Variants in CCDC27 observed in about 807,000 individuals in gnomAD.
CCDC27 encodes coiled-coil domain-containing protein 27.
In CCDC27, 80 loss-of-function variants were observed where a neutral mutation model predicts 80.3. The observed-to-expected ratio is 1.00, with a 90% CI of 0.83 to 1.20. The LOEUF (loss-of-function observed/expected upper bound fraction) is 1.20, where lower values mean the gene tolerates loss of function less well. CCDC27 is among the 50% of genes most tolerant of loss of function. The pLI, the probability that CCDC27 is intolerant of heterozygous loss-of-function variation, is 0.00. For missense variants in CCDC27, 815 were observed against 809.4 expected (o/e 1.01, Z -0.08); for synonymous variants, 342 against 334.3 (o/e 1.02, Z -0.25).
At chr1:3,753,342 A>C (rs1268895236) in intron 1 of CCDC27, among the ~76,000 whole-genome samples, 5 of 67,850 alleles carry the variant, frequency 7.4e-5, no homozygotes, top group African/African-American at 3.6e-4. Flanking sequence ...TTTTTTTTTG[A>C]GACGGAGTTT....
At position 3,767,442 on chromosome 1, in the gene CCDC27, C is replaced by T. The variant is rs1469684867; in HGVS notation, c.1740C>T (p.Ser580=). The T allele has an allele frequency of 1.9e-6, 3 of 1,609,648 alleles. No homozygotes were observed. The highest frequency in any genetic ancestry group is 2.5e-6 in the Non-Finnish European group (3 of 1,178,220). The part of the protein sequence containing the change: ...HTRVALESSQ[S]RLERLRNKII... ...GCGTGGCCCTGGAGAGCTCCCAGTC[C>T]AGGGTATGCCCAGCCCTTCCTCCTG... The change falls in exon 10 of 12, where the codon TCC becomes TCT. Residue 580 remains serine (S), a synonymous_variant. Coordinates refer to ENST00000294600, the MANE Select transcript of CCDC27 (RefSeq NM_152492.3).
chr1:3,752,794 A>G lies in CCDC27; in HGVS notation c.313A>G (p.Lys105Glu), dbSNP rs776622907. The G allele has an allele frequency of 6.2e-7, 1 of 1,611,440 alleles. No individual in the cohort carries two copies. The highest frequency in any genetic ancestry group is 2.2e-5 in the East Asian group (1 of 44,820). Residue 105 changes from lysine (K) to glutamate (E), a missense_variant, in exon 1 of 12, where the codon AAG becomes GAG. Transcript: ENST00000294600. ...CCAGACCATCAGCCGCTACTACAGG[A>G]AGACGGTATGGGGTCCCGGGAGGAG... The part of the protein sequence containing the change: ...SVQTISRYYR[K>E]TSEPKDAASL...
At position 3,761,619 on chromosome 1, in the gene CCDC27, C is replaced by T. The variant is rs141544235; in HGVS notation, c.861+189C>T. Among the ~76,000 whole-genome samples the T allele has an allele frequency of 2.2e-4, 34 of 151,848 alleles. No homozygotes were observed. Among genetic ancestry groups the T allele is most frequent in the African/African-American group, 7.7e-4 (32 of 41,434 alleles). On this transcript the variant is annotated intron_variant, in intron 5 of 11. Transcript: ENST00000294600. This position sits in a 1 kb window ranked among gnomAD's most constrained non-coding sequence, Gnocchi z 5.0. ...GGCAGGGGAGAGGCGAACAGAGGCA[C>T]GAAATGACAAATGAGAGCCATGAGC...
rs1351240252 is a variant in CCDC27 at position 3,763,030 on chromosome 1, C to A, written c.955-78C>A. ...GGAAGGAGGCGCCCTCCCCGGTGCC[C>A]CCGCCATGAGCATTAGAGCCCTCTG... On this transcript the variant is annotated intron_variant, in intron 6 of 11. Coordinates refer to ENST00000294600, the MANE Select transcript of CCDC27 (RefSeq NM_152492.3). The surrounding 1 kb of genome is among the most constrained non-coding windows in gnomAD (Gnocchi z 7.5). 33 of 1,422,016 alleles carry A rather than the reference C, an allele frequency of 2.3e-5. 1 individual carries two copies. In the South Asian group the frequency reaches 2.6e-4, roughly 11 times the overall value. 88.1% of individuals were successfully genotyped at this position (1,422,016 alleles called of 1,614,324 possible). A position where few individuals can be genotyped will look rare whatever the true frequency, so the allele number is the denominator to read the frequency against.
chr1:3,752,873 G>A, intron 1 of CCDC27, 74 bp downstream of exon 1: 1 of 1,477,814 alleles, frequency 6.8e-7, no homozygotes, highest in Admixed American at 2.1e-5. Flanking sequence ...AAGGCCCATA[G>A]AGCTGTCAGC....
chr1:3,760,761 G>A lies in CCDC27; in HGVS notation c.712-520G>A, dbSNP rs1256677456. Among the ~76,000 whole-genome samples the A allele has an allele frequency of 6.6e-6, 1 of 152,162 alleles. No individual in the cohort carries two copies. The highest frequency in any genetic ancestry group is 2.4e-5 in the African/African-American group (1 of 41,448). The stretch of plus-strand genomic sequence containing the variant: ...TTAGTATTTCTCTAAGTTCAGATCT[G>A]CTGGTCACAGATTCTTTCAATTTCT... On this transcript the variant is annotated intron_variant, in intron 4 of 11. Transcript: ENST00000294600. The surrounding 1 kb of genome is among the most constrained non-coding windows in gnomAD (Gnocchi z 4.3).
chr1:3,762,357 G>A (rs1414839072), intron 5 of CCDC27, among the ~76,000 whole-genome samples: 3 of 152,138 alleles, frequency 2.0e-5, no homozygotes, highest in African/African-American at 7.2e-5. Flanking sequence ...AAGGCTGGCT[G>A]GCCTTGTCCT....
chr1:3,754,085 T>A, intron 1 of CCDC27, 33 bp from the exon 2 acceptor site: 1 of 1,607,136 alleles, frequency 6.2e-7, no homozygotes, highest in Non-Finnish European at 8.5e-7. Context: ...TCAGGGGCCT[T>A]CCTTGTCTGT....
intron 1 of CCDC27, 39 bp downstream of exon 1, chr1:3,752,838 G>C (rs1642857384): frequency 6.3e-7 from 1 of 1,583,612 alleles, no homozygotes; most frequent in South Asian, 1.1e-5. Context: ...CGAGCCTTGA[G>C]GTGACCTGTT....
rs749722445 is a variant in CCDC27, at chr1:3,755,536, G to A, written c.522G>A (p.Leu174=). The A allele has an allele frequency of 6.2e-7, 1 of 1,614,042 alleles. No individual in the cohort carries two copies. The highest frequency in any genetic ancestry group is 8.5e-7 in the Non-Finnish European group (1 of 1,180,002). Residue 174 remains leucine, a synonymous_variant, in exon 3 of 12, where the codon TTG becomes TTA. Transcript: ENST00000294600. The stretch of plus-strand genomic sequence containing the variant: ...GGAGAGGCACCCAGGACCTGTTCTT[G>A]GCCAGGCGGGGCTCAGACACGAACG... ...ETWRGTQDLF[L]ARRGSDTNVD... is the part of the protein sequence containing the mutation.
Position 3,763,233 on chromosome 1 carries a change from C to T in CCDC27, c.1080C>T (p.Ser360=), listed in dbSNP as rs769101166. 6 of 1,552,856 alleles carry T rather than the reference C, an allele frequency of 3.9e-6. No homozygotes were observed. The highest frequency in any genetic ancestry group is 5.2e-6 in the Non-Finnish European group (6 of 1,147,264). ...VEDTGAWGGV[S]QMGSVHEEGS... is the part of the protein sequence containing the mutation. ...ACACGGGTGCCTGGGGAGGTGTGAG[C>T]CAGATGGGATCCGTGCATGAGGAGG... The change falls in exon 7 of 12, where the codon AGC becomes AGT. Residue 360 remains serine, a synonymous_variant. Transcript: ENST00000294600. This position sits in a 1 kb window ranked among gnomAD's most constrained non-coding sequence, Gnocchi z 7.5.
chr1:3,768,572 T>G lies in CCDC27; in HGVS notation c.1743+1127T>G, dbSNP rs1477742742. 6.6e-6 allele frequency among the ~76,000 whole-genome samples: 1 copy of G among 152,154 alleles called. No homozygotes were observed. The highest frequency in any genetic ancestry group is 6.5e-5 in the Admixed American group (1 of 15,280). On this transcript the variant is annotated intron_variant, in intron 10 of 11. Transcript: ENST00000294600. This position sits in a 1 kb window ranked among gnomAD's most constrained non-coding sequence, Gnocchi z 5.6. Reference sequence around the variant, plus strand: ...GGCACCCACCCCTGGTATCCCTTGATAAAACAGTTTGGGATCCAGCCGTAG... The same window carrying G: ...GGCACCCACCCCTGGTATCCCTTGAGAAAACAGTTTGGGATCCAGCCGTAG...
intron 8 of CCDC27, among the ~76,000 whole-genome samples, chr1:3,764,358 T>C (rs1570715052): frequency 6.6e-6 from 1 of 152,338 alleles, no homozygotes; most frequent in South Asian, 2.1e-4. Flanking sequence ...TAAGGCATCA[T>C]TTTAAATTCT....
rs1014014407 is a variant in CCDC27 at position 3,763,321 on chromosome 1, C to T, written c.1168C>T (p.Pro390Ser). 1.2e-6 allele frequency: 2 copies of T among 1,611,514 alleles called. No individual in the cohort carries two copies. The highest frequency in any genetic ancestry group is 1.7e-6 in the Non-Finnish European group (2 of 1,179,118). Residue 390 changes from proline to serine, a missense_variant, in exon 7 of 12, where the codon CCG becomes TCG. Transcript: ENST00000294600. The surrounding 1 kb of genome is among the most constrained non-coding windows in gnomAD (Gnocchi z 7.5). ...RDEDSEERELPEEEEIPRRRA... is the reference protein window; with the variant it reads ...RDEDSEERELSEEEEIPRRRA... Reference sequence around the variant, plus strand: ...TGAGGACTCAGAGGAAAGGGAGCTGCCGGAGGAAGAGGAGATCCCCAGGAG... The same window carrying T: ...TGAGGACTCAGAGGAAAGGGAGCTGTCGGAGGAAGAGGAGATCCCCAGGAG...
At chr1:3,762,057 G>T (rs1053223930) in intron 5 of CCDC27, among the ~76,000 whole-genome samples, 8 of 152,294 alleles carry the variant, frequency 5.3e-5, no homozygotes, top group African/African-American at 1.7e-4. Context: ...GGACGAGGCA[G>T]GTCTGTGTTG....
chr1:3,764,763 C>T (rs1051699308), intron 8 of CCDC27, among the ~76,000 whole-genome samples: 2 of 152,134 alleles, frequency 1.3e-5, no homozygotes, highest in African/African-American at 4.8e-5. Context: ...AGGCTGAGCA[C>T]GATGGCTCAC....
In CCDC27 at chr1:3,769,114, G is replaced by A. The variant is rs555145756; in HGVS notation, c.1744-669G>A. Among the ~76,000 whole-genome samples the A allele has an allele frequency of 6.6e-6, 1 of 152,306 alleles. No homozygotes were observed. Among genetic ancestry groups the A allele is most frequent in the South Asian group, 2.1e-4 (1 of 4,834 alleles). On this transcript the variant is annotated intron_variant, in intron 10 of 11. Transcript: ENST00000294600. This position sits in a 1 kb window ranked among gnomAD's most constrained non-coding sequence, Gnocchi z 4.6. ...GCTGAGCGTGCCGCATAACTCAAGGGGTTCCTGTCTGAGGCTCCTGGGGTG... is the reference window on the plus strand; with the variant it reads ...GCTGAGCGTGCCGCATAACTCAAGGAGTTCCTGTCTGAGGCTCCTGGGGTG...
Position 3,756,846 on chromosome 1 carries a change from C to T in CCDC27, c.667C>T (p.Leu223=), listed in dbSNP as rs905534460. Residue 223 remains leucine, a synonymous_variant, in exon 4 of 12, where the codon CTG becomes TTG. Transcript: ENST00000294600. Reference sequence around the variant, plus strand: ...CAGCTCAGTCGCATCTCAGAGCTGCCTGAGAAAGAGGATGCCCTGGTACCT... The same window carrying T: ...CAGCTCAGTCGCATCTCAGAGCTGCTTGAGAAAGAGGATGCCCTGGTACCT... The part of the protein sequence containing the change: ...TSSSVASQSC[L]RKRMPWYLSV... 73 of 1,613,878 alleles carry T rather than the reference C, an allele frequency of 4.5e-5. No homozygotes were observed. The highest frequency in any genetic ancestry group is 6.1e-5 in the Non-Finnish European group (72 of 1,180,000).
chr1:3,762,758 C>T, intron 6 of CCDC27, 46 bp downstream of exon 6: 1 of 1,497,956 alleles, frequency 6.7e-7, no homozygotes, highest in Non-Finnish European at 9.1e-7. Flanking sequence ...GACCCGGGCC[C>T]AGGAGCCACC....
Sources: allele counts gnomAD v4.1 joint callset (sites outside exome capture counted in the v4.1 genomes callset), GRCh38; gene constraint gnomAD v4.1.1; non-coding constraint Gnocchi (gnomAD v3.1); transcripts MANE v1.5; gene names NCBI Gene and HGNC (gene_info 2026-07-23, HGNC 2026-07-21).